Variants in SNAPC3 observed in about 807,000 individuals in gnomAD.
The protein encoded by SNAPC3 is small nuclear RNA activating complex polypeptide 3.
Under a neutral mutation model 47.7 loss-of-function variants are expected in SNAPC3, and 56 were observed. That is an observed-to-expected ratio of 1.18 (90% CI 0.95 to 1.47). SNAPC3 has a LOEUF of 1.47. SNAPC3 is among the 40% of genes most tolerant of loss of function. The pLI is 0.00. For missense variants in SNAPC3, 665 were observed against 511.3 expected (o/e 1.30, Z -2.90); for synonymous variants, 235 against 189.9 (o/e 1.24, Z -1.95).
At chr9:15,438,606 A>T (rs181426027) in intron 3 of SNAPC3, among the ~76,000 whole-genome samples, 14 of 152,150 alleles carry the variant, frequency 9.2e-5, no homozygotes, top group African/African-American at 3.4e-4. Context: ...TCTTTTTACT[A>T]TATCTCCCTA....
downstream of SNAPC3, chr9:15,465,507 C>A: frequency 6.5e-7 from 1 of 1,528,734 alleles, no homozygotes; most frequent in Non-Finnish European, 9.0e-7. Flanking sequence ...CTCTATATTC[C>A]AGGTATGTCA....
chr9:15,441,553 T>A lies in SNAPC3; in HGVS notation c.478-3049T>A, dbSNP rs1293361632. On this transcript the variant is annotated intron_variant, in intron 3 of 8. Transcript: ENST00000380821. ...CAGAGGACCCTGCGGCCTTCTGCAG[T>A]GTTTGTGTCCCTGGGTACTTGAGAT... Among the ~76,000 whole-genome samples, 6 of 151,992 alleles carry A rather than the reference T, an allele frequency of 3.9e-5. No individual in the cohort carries two copies. In the South Asian group the frequency reaches 6.2e-4, roughly 16 times the overall value.
chr9:15,427,184 C>T (rs994047927), intron 2 of SNAPC3, among the ~76,000 whole-genome samples: 1 of 152,132 alleles, frequency 6.6e-6, no homozygotes, highest in African/African-American at 2.4e-5. Context: ...ATGTTGCTCC[C>T]TTAATCTATA....
intron 7 of SNAPC3, among the ~76,000 whole-genome samples, chr9:15,454,756 T>G (rs1221333571): frequency 6.6e-6 from 1 of 151,964 alleles, no homozygotes; most frequent in African/African-American, 2.4e-5. Context: ...GCTAACACAG[T>G]GAAAGCGTCT....
intron 7 of SNAPC3, among the ~76,000 whole-genome samples, chr9:15,456,772 A>T (rs1353890380): frequency 6.6e-6 from 1 of 152,010 alleles, no homozygotes; most frequent in Non-Finnish European, 1.5e-5. Context: ...CTGCCCTTTT[A>T]TTTTTTTAAA....
intron 2 of SNAPC3, 115 bp downstream of exon 2, chr9:15,424,101 A>C (rs2030998055): frequency 2.0e-6 from 1 of 505,448 alleles, no homozygotes; most frequent in Non-Finnish European, 3.5e-6. Context: ...CCTTAAATTC[A>C]GCTGTTCTTA....
At chr9:15,464,298 TAC>T, downstream of SNAPC3, 1 of 194,542 alleles carries the variant, frequency 5.1e-6, no homozygotes, top group Non-Finnish European at 1.1e-5. Flanking sequence ...CACAATGTCA[TAC>T]AGAGACGCTG....
chr9:15,454,749 A>G (rs977265928), intron 7 of SNAPC3, among the ~76,000 whole-genome samples: 12 of 152,230 alleles, frequency 7.9e-5, no homozygotes, highest in African/African-American at 2.2e-4. Flanking sequence ...CATGCTGGCT[A>G]ACACAGTGAA....
At chr9:15,423,663 G>C (rs950414829) in intron 1 of SNAPC3, among the ~76,000 whole-genome samples, 1 of 152,122 alleles carries the variant, frequency 6.6e-6, no homozygotes, top group Non-Finnish European at 1.5e-5. Context: ...TGCCTTATTT[G>C]GGGATGAAAA....
intron 2 of SNAPC3, among the ~76,000 whole-genome samples, chr9:15,430,478 A>G (rs1227006936): frequency 1.3e-5 from 2 of 152,182 alleles, no homozygotes; most frequent in Admixed American, 1.3e-4. Flanking sequence ...CAAAAAAAGA[A>G]CAACAAAGTA....
At chr9:15,442,325 C>T (rs1278330414) in intron 3 of SNAPC3, among the ~76,000 whole-genome samples, 1 of 151,154 alleles carries the variant, frequency 6.6e-6, no homozygotes, top group African/African-American at 2.4e-5. Flanking sequence ...GACAGGGAGG[C>T]TGGCTGGACG....
chr9:15,448,938 T>C (rs2034152374), intron 5 of SNAPC3, among the ~76,000 whole-genome samples: 3 of 152,086 alleles, frequency 2.0e-5, no homozygotes, highest in Admixed American at 2.0e-4. Flanking sequence ...GCCTCCCAAG[T>C]AGCTGGGATT....
At chr9:15,443,962 A>G (rs2033723850) in intron 3 of SNAPC3, among the ~76,000 whole-genome samples, 1 of 152,126 alleles carries the variant, frequency 6.6e-6, no homozygotes, top group East Asian at 1.9e-4. Context: ...CTCTCATTCC[A>G]GCTTACTGGT....
chr9:15,449,064 C>T (rs1333157613), intron 5 of SNAPC3, among the ~76,000 whole-genome samples: 3 of 152,116 alleles, frequency 2.0e-5, no homozygotes. Context: ...CCCGCCTCAG[C>T]CTCCTAAAGT....
At chr9:15,463,599 C>T (rs2035394832), downstream of SNAPC3, 1 of 151,868 alleles carries the variant, frequency 6.6e-6, no homozygotes, top group Admixed American at 6.6e-5. Context: ...ACAAATTGAG[C>T]CAATGAACAA....
Position 15,453,325 on chromosome 9 carries a change from T to G in SNAPC3, c.980+120T>G. ...AAAGTAATAACCATTGCAACTTGGCTTGGGAGCAGCAAAAATACTGTCTTC... is the reference window on the plus strand; with the variant it reads ...AAAGTAATAACCATTGCAACTTGGCGTGGGAGCAGCAAAAATACTGTCTTC... On this transcript the variant is annotated intron_variant, in intron 7 of 8. Transcript: ENST00000380821. 4.3e-6 allele frequency: 3 copies of G among 699,478 alleles called. No individual in the cohort carries two copies. The Admixed American group carries it at 8.7e-5, about 20-fold the overall frequency. The allele number at this position is 699,478 out of a possible 1,614,324, so 43.3% of individuals were successfully genotyped here. A position where few individuals can be genotyped will look rare whatever the true frequency, so the allele number is the denominator to read the frequency against.
chr9:15,450,737 T>G (rs1406149256), intron 5 of SNAPC3, among the ~76,000 whole-genome samples: 1 of 152,180 alleles, frequency 6.6e-6, no homozygotes, highest in Non-Finnish European at 1.5e-5. Context: ...ACACTTGTGT[T>G]TGGTGTTTTT....
intron 2 of SNAPC3, among the ~76,000 whole-genome samples, chr9:15,424,368 A>G (rs2031050315): frequency 6.6e-6 from 1 of 152,200 alleles, no homozygotes; most frequent in South Asian, 2.1e-4. Flanking sequence ...ATGTTTGTTT[A>G]TAGAGGTAAT....
chr9:15,430,974 A>C (rs559688595), intron 2 of SNAPC3, among the ~76,000 whole-genome samples: 3 of 152,308 alleles, frequency 2.0e-5, no homozygotes, highest in Non-Finnish European at 2.9e-5. Context: ...TGGCCTTTTA[A>C]ATACTTTTCT....
Sources: allele counts gnomAD v4.1 joint callset (sites outside exome capture counted in the v4.1 genomes callset), GRCh38; gene constraint gnomAD v4.1.1; transcripts MANE v1.5; gene names NCBI Gene and HGNC (gene_info 2026-07-23, HGNC 2026-07-21).